CCSER1: variants seen among roughly 807,000 people sequenced by gnomAD.
CCSER1 encodes serine-rich coiled-coil domain-containing protein 1.
A neutral mutation model predicts 82.0 loss-of-function variants in CCSER1; 41 were observed. The ratio of observed to expected loss-of-function variants is 0.50; its 90% CI spans 0.39 to 0.65. The LOEUF (loss-of-function observed/expected upper bound fraction) is 0.65, where lower values mean the gene tolerates loss of function less well. CCSER1 is among the 30% of genes least tolerant of loss of function. The probability of loss-of-function intolerance (pLI) is 0.00; values close to 1 mark genes in which losing one functional copy is unlikely to be tolerated. For missense variants in CCSER1, 1,119 were observed against 1,064.2 expected (o/e 1.05, Z -0.72); for synonymous variants, 414 against 383.9 (o/e 1.08, Z -0.92).
chr4:90,782,151 G>A (rs1753862547), intron 7 of CCSER1: 1 of 211,156 alleles, frequency 4.7e-6, no homozygotes, highest in Non-Finnish European at 8.2e-6. Flanking sequence ...GGCCTTCACT[G>A]AATAGTTAAT....
intron 5 of CCSER1, among the ~76,000 whole-genome samples, chr4:90,566,412 T>A (rs28769671): frequency 0.41 from 61,965 of 150,946 alleles, 14,572 homozygotes; most frequent in African/African-American, 0.64. Context: ...GCAGTTAGTA[T>A]CTTGATCTCC....
chr4:91,475,082 GTC>G, intron 10 of CCSER1, among the ~76,000 whole-genome samples: 1 of 151,878 alleles, frequency 6.6e-6, no homozygotes, highest in Non-Finnish European at 1.5e-5. Flanking sequence ...GAATCATAGA[GTC>G]TCTACTGTTA....
At chr4:91,195,256 A>T (rs1735315603) in intron 10 of CCSER1, among the ~76,000 whole-genome samples, 1 of 152,224 alleles carries the variant, frequency 6.6e-6, no homozygotes, top group African/African-American at 2.4e-5. Context: ...GTGCATGGGG[A>T]GGCAGCTATC....
Position 90,248,540 on chromosome 4 carries a change from A to G in CCSER1, c.-41-59704A>G, listed in dbSNP as rs1721835751. On this transcript the variant is annotated intron_variant, in intron 1 of 10. Transcript: ENST00000509176. ...GGCACTTAACACTAACCTTCTGCTCAGGTCCTTAGGTAAATGTTGGGTATG... is the reference window on the plus strand; with the variant it reads ...GGCACTTAACACTAACCTTCTGCTCGGGTCCTTAGGTAAATGTTGGGTATG... Among the ~76,000 whole-genome samples, 2 of 152,116 alleles carry G rather than the reference A, an allele frequency of 1.3e-5. 1 individual carries two copies. The highest frequency in any genetic ancestry group is 1.3e-4 in the Admixed American group (2 of 15,256).
At chr4:90,146,587 T>C (rs1725849833) in intron 1 of CCSER1, among the ~76,000 whole-genome samples, 2 of 151,932 alleles carry the variant, frequency 1.3e-5, no homozygotes, top group African/African-American at 4.8e-5. Context: ...ACTTGGAAAA[T>C]TTAGTTTAGT....
At chr4:90,394,887 C>A (rs767449310) in intron 3 of CCSER1, among the ~76,000 whole-genome samples, 1 of 152,062 alleles carries the variant, frequency 6.6e-6, no homozygotes, top group Non-Finnish European at 1.5e-5. Context: ...ATTTGTCTTC[C>A]TGGATAAATA....
chr4:91,156,471 A>G (rs1364766950), intron 10 of CCSER1, among the ~76,000 whole-genome samples: 1 of 151,630 alleles, frequency 6.6e-6, no homozygotes, highest in Non-Finnish European at 1.5e-5. Flanking sequence ...AATTTCTCAT[A>G]TTTATTCTCC....
At chr4:90,411,886 C>T (rs1754903631) in intron 4 of CCSER1, among the ~76,000 whole-genome samples, 1 of 151,976 alleles carries the variant, frequency 6.6e-6, no homozygotes, top group South Asian at 2.1e-4. Context: ...TTGTCTCAGC[C>T]CAAAATCTCC....
At chr4:90,721,024 C>A (rs1423164807) in intron 6 of CCSER1, among the ~76,000 whole-genome samples, 1 of 151,692 alleles carries the variant, frequency 6.6e-6, no homozygotes, top group Non-Finnish European at 1.5e-5. Context: ...AGAAAGGATT[C>A]TAGAGAGCAA....
At chr4:91,434,268 A>C (rs1578440903) in intron 10 of CCSER1, among the ~76,000 whole-genome samples, 1 of 151,946 alleles carries the variant, frequency 6.6e-6, no homozygotes. Context: ...AGGGGTACTT[A>C]ATTTAGGAAT....
At chr4:90,787,338 G>C (rs1302678705) in intron 7 of CCSER1, among the ~76,000 whole-genome samples, 1 of 152,140 alleles carries the variant, frequency 6.6e-6, no homozygotes, top group Non-Finnish European at 1.5e-5. Context: ...ACAAAAGACT[G>C]TAGCAAAGGC....
intron 3 of CCSER1, among the ~76,000 whole-genome samples, chr4:90,377,171 A>C (rs1274033228): frequency 1.3e-5 from 2 of 152,188 alleles, no homozygotes; most frequent in East Asian, 3.9e-4. Flanking sequence ...GCACAAAATC[A>C]TGGTGGACTA....
At chr4:91,288,584 G>A (rs2149215353) in intron 10 of CCSER1, among the ~76,000 whole-genome samples, 1 of 152,080 alleles carries the variant, frequency 6.6e-6, no homozygotes, top group East Asian at 1.9e-4. Context: ...TTCCTGAGAA[G>A]CTGTCCCTTG....
intron 5 of CCSER1, among the ~76,000 whole-genome samples, chr4:90,555,916 A>G (rs1401837188): frequency 2.0e-5 from 3 of 152,264 alleles, no homozygotes; most frequent in African/African-American, 7.2e-5. Context: ...TTTGCGTTAC[A>G]CTAAAATTTA....
rs182789183 is a variant in CCSER1, at chr4:91,482,178, G to A, written c.2218-116394G>A. ...AGCACTTTGGGAGGCTGAGGCGGGT[G>A]GATCATGAGGTCAGGAGATCGAGAC... On this transcript the variant is annotated intron_variant, in intron 10 of 10. Transcript: ENST00000509176. Among the ~76,000 whole-genome samples the A allele has an allele frequency of 8.8e-4, 132 of 149,834 alleles. 2 individuals carry two copies. In the East Asian group the frequency reaches 0.026, roughly 29 times the overall value.
chr4:91,178,879 C>A (rs539098643), intron 10 of CCSER1, among the ~76,000 whole-genome samples: 1 of 152,150 alleles, frequency 6.6e-6, no homozygotes, highest in Non-Finnish European at 1.5e-5. Context: ...TTATTTGATG[C>A]AGTTTCTTCC....
chr4:91,249,780 G>A (rs1345963940), intron 10 of CCSER1, among the ~76,000 whole-genome samples: 1 of 151,790 alleles, frequency 6.6e-6, no homozygotes, highest in Non-Finnish European at 1.5e-5. Context: ...GTTTCTCCTG[G>A]GTATCAGATA....
chr4:91,439,093 A>G (rs1009825704), intron 10 of CCSER1, among the ~76,000 whole-genome samples: 6 of 152,218 alleles, frequency 3.9e-5, no homozygotes, highest in African/African-American at 1.4e-4. Flanking sequence ...CCAATCTAGC[A>G]AGGCACGCCA....
At chr4:91,083,146 G>A (rs1200005131) in intron 9 of CCSER1, among the ~76,000 whole-genome samples, 1 of 152,142 alleles carries the variant, frequency 6.6e-6, no homozygotes, top group African/African-American at 2.4e-5. Context: ...CAATAGCAAA[G>A]ACTTGGAACC....
Sources: allele counts gnomAD v4.1 joint callset (sites outside exome capture counted in the v4.1 genomes callset), GRCh38; gene constraint gnomAD v4.1.1; transcripts MANE v1.5; gene names NCBI Gene and HGNC (gene_info 2026-07-23, HGNC 2026-07-21).